Variants in KCNQ5 observed in about 807,000 individuals in gnomAD.
KCNQ5 encodes the protein potassium voltage-gated channel subfamily KQT member 5.
KCNQ5 carries 30 observed loss-of-function variants against 98.2 expected under a neutral mutation model. The ratio of observed to expected loss-of-function variants is 0.31; its 90% CI spans 0.23 to 0.41. The LOEUF is 0.41. KCNQ5 is among the 10% of genes least tolerant of loss of function. The pLI is 1.00. For missense variants in KCNQ5, 835 were observed against 1,182.5 expected (o/e 0.71, Z 4.31); for synonymous variants, 458 against 449.4 (o/e 1.02, Z -0.24).
intron 11 of KCNQ5, among the ~76,000 whole-genome samples, 186 bp from the exon 12 acceptor site, chr6:73,190,387 A>C (rs1473203661): frequency 1.3e-5 from 2 of 152,210 alleles, no homozygotes; most frequent in Non-Finnish European, 1.5e-5. Context: ...GTGTTGTCTC[A>C]CATGAGATGT....
At chr6:73,093,927 C>T (rs1021238756) in intron 5 of KCNQ5, among the ~76,000 whole-genome samples, 8 of 151,974 alleles carry the variant, frequency 5.3e-5, no homozygotes, top group Non-Finnish European at 4.4e-5. Context: ...TCTATTTGTT[C>T]CAAGGTATAG....
chr6:72,872,363 C>T (rs1778244965), intron 1 of KCNQ5, among the ~76,000 whole-genome samples: 1 of 152,128 alleles, frequency 6.6e-6, no homozygotes, highest in Non-Finnish European at 1.5e-5. Flanking sequence ...GAGGTCTACT[C>T]TGTAGAAAAT....
chr6:72,926,852 C>G (rs1275097397), intron 1 of KCNQ5, among the ~76,000 whole-genome samples: 1 of 152,282 alleles, frequency 6.6e-6, no homozygotes, highest in Admixed American at 6.5e-5. Context: ...TGAAAATTCT[C>G]TCTCAGTAAA....
At chr6:72,722,394 C>T (rs1770016153) in intron 1 of KCNQ5, among the ~76,000 whole-genome samples, 1 of 152,150 alleles carries the variant, frequency 6.6e-6, no homozygotes, top group East Asian at 1.9e-4. Flanking sequence ...AGAATCTGTG[C>T]AATTTATTGT....
At chr6:72,706,699 A>G (rs772632394) in intron 1 of KCNQ5, among the ~76,000 whole-genome samples, 12 of 152,170 alleles carry the variant, frequency 7.9e-5, no homozygotes, top group Non-Finnish European at 1.6e-4. Context: ...TGAAAGCATC[A>G]AGGTGCCTTC....
chr6:73,147,281 T>C (rs895350459), intron 10 of KCNQ5, among the ~76,000 whole-genome samples: 1 of 147,764 alleles, frequency 6.8e-6, no homozygotes, highest in Non-Finnish European at 1.5e-5. Flanking sequence ...TTAAATATAT[T>C]GTTATTATTT....
intron 8 of KCNQ5, among the ~76,000 whole-genome samples, chr6:73,123,268 A>AGG (rs1427712735): frequency 6.6e-6 from 1 of 152,174 alleles, no homozygotes; most frequent in Non-Finnish European, 1.5e-5. Flanking sequence ...GAAGGAATTT[A>AGG]GGGAGCATCA....
At chr6:72,795,181 C>G (rs899906234) in intron 1 of KCNQ5, among the ~76,000 whole-genome samples, 7 of 152,118 alleles carry the variant, frequency 4.6e-5, no homozygotes, top group African/African-American at 1.7e-4. Context: ...GAGTGCGTGT[C>G]TTATTGAACC....
intron 1 of KCNQ5, among the ~76,000 whole-genome samples, chr6:72,759,849 C>G (rs1772166415): frequency 6.6e-6 from 1 of 152,076 alleles, no homozygotes; most frequent in Non-Finnish European, 1.5e-5. Flanking sequence ...TAATGCTTCA[C>G]ATACACATGC....
chr6:73,114,369 T>A (rs7754039), intron 7 of KCNQ5, among the ~76,000 whole-genome samples: 4,450 of 152,308 alleles, frequency 0.029, 216 homozygotes, highest in African/African-American at 0.1. Context: ...GATGCCCAAA[T>A]TGCTTCATCA....
At chr6:72,629,313 C>A (rs568243432) in intron 1 of KCNQ5, among the ~76,000 whole-genome samples, 1 of 152,134 alleles carries the variant, frequency 6.6e-6, no homozygotes, top group Admixed American at 6.6e-5. Context: ...TTTAAAAAAT[C>A]ACTGATTTCT....
chr6:73,044,580 AC>A (rs558684943), intron 3 of KCNQ5, among the ~76,000 whole-genome samples: 220 of 152,308 alleles, frequency 1.4e-3, no homozygotes, highest in Non-Finnish European at 2.8e-3. Context: ...GTAAAATTTA[AC>A]CTACACAAAG....
chr6:72,768,926 T>C (rs1772714285), intron 1 of KCNQ5, among the ~76,000 whole-genome samples: 1 of 152,122 alleles, frequency 6.6e-6, no homozygotes, highest in Non-Finnish European at 1.5e-5. Flanking sequence ...CAATTGGAGC[T>C]ATCTGTAAGG....
chr6:72,891,830 A>G (rs1295244037), intron 1 of KCNQ5, among the ~76,000 whole-genome samples: 3 of 152,162 alleles, frequency 2.0e-5, no homozygotes, highest in Admixed American at 1.3e-4. Context: ...TTCTCTATTT[A>G]CCTCAAAAAT....
At chr6:72,724,276 A>G (rs1414467679) in intron 1 of KCNQ5, among the ~76,000 whole-genome samples, 1 of 152,226 alleles carries the variant, frequency 6.6e-6, no homozygotes, top group East Asian at 1.9e-4. Flanking sequence ...AATTCCTATA[A>G]GAAGAAAAAA....
chr6:72,903,093 C>T (rs1401621033), intron 1 of KCNQ5, among the ~76,000 whole-genome samples: 1 of 152,128 alleles, frequency 6.6e-6, no homozygotes, highest in African/African-American at 2.4e-5. Flanking sequence ...GTATCCATCT[C>T]TTCTAGGTTT....
intron 1 of KCNQ5, among the ~76,000 whole-genome samples, chr6:72,873,056 TAGAGA>T (rs1778277983): frequency 6.6e-6 from 1 of 152,138 alleles, no homozygotes; most frequent in African/African-American, 2.4e-5. Context: ...TTTATACACT[TAGAGA>T]ATCTCCTTTC....
At chr6:72,962,437 A>G (rs548036465) in intron 1 of KCNQ5, among the ~76,000 whole-genome samples, 1 of 151,904 alleles carries the variant, frequency 6.6e-6, no homozygotes, top group South Asian at 2.1e-4. Flanking sequence ...CCCAGACTTC[A>G]CTACCATACA....
At chr6:72,830,285 A>C (rs1408331290) in intron 1 of KCNQ5, among the ~76,000 whole-genome samples, 1 of 152,196 alleles carries the variant, frequency 6.6e-6, no homozygotes, top group Admixed American at 6.5e-5. Flanking sequence ...AGACAATCCT[A>C]AGCCAAAAGA....
Sources: allele counts gnomAD v4.1 joint callset (sites outside exome capture counted in the v4.1 genomes callset), GRCh38; gene constraint gnomAD v4.1.1; transcripts MANE v1.5; gene names NCBI Gene and HGNC (gene_info 2026-07-23, HGNC 2026-07-21).